CDC42BPB: variants seen among roughly 807,000 people sequenced by gnomAD.
CDC42BPB encodes the protein CDC42 binding protein kinase beta.
A neutral mutation model predicts 214.9 loss-of-function variants in CDC42BPB; 37 were observed. The observed-to-expected ratio is 0.17, with a 90% confidence interval of 0.13 to 0.23. The LOEUF is 0.23. CDC42BPB is among the 10% of genes least tolerant of loss of function. CDC42BPB has a pLI of 1.00. For synonymous variants in CDC42BPB, 931 were observed against 884.0 expected (o/e 1.05, Z -0.94); for missense variants, 1,694 against 2,227.0 (o/e 0.76, Z 4.82).
At chr14:103,056,443 C>T (rs924853384) in intron 1 of CDC42BPB, among the ~76,000 whole-genome samples, 2 of 152,066 alleles carry the variant, frequency 1.3e-5, no homozygotes, top group South Asian at 2.1e-4. Flanking sequence ...GCAAGGGGGT[C>T]CCACGGGGCA....
At chr14:102,942,197 C>CT (rs886626447) in intron 30 of CDC42BPB, among the ~76,000 whole-genome samples, 1 of 151,954 alleles carries the variant, frequency 6.6e-6, no homozygotes, top group African/African-American at 2.4e-5. Flanking sequence ...CTTCCTGCAC[C>CT]TCACCGCAGG....
intron 26 of CDC42BPB, 85 bp from the exon 27 acceptor site, chr14:102,947,887 CCATGT>C: frequency 6.3e-7 from 1 of 1,598,048 alleles, no homozygotes; most frequent in Non-Finnish European, 8.5e-7. Flanking sequence ...CCCTGCCCTG[CCATGT>C]CCTTCCACCA....
chr14:102,945,768 C>T (rs200587017), intron 28 of CDC42BPB, 44 bp from the exon 29 acceptor site: 31 of 1,573,702 alleles, frequency 2.0e-5, no homozygotes, highest in Admixed American at 1.7e-4. Flanking sequence ...TACAGCCGAC[C>T]GTGAACAATA....
intron 1 of CDC42BPB, among the ~76,000 whole-genome samples, chr14:103,019,948 C>T (rs892751535): frequency 8.5e-5 from 13 of 152,178 alleles, no homozygotes; most frequent in Non-Finnish European, 1.9e-4. Flanking sequence ...GGATCTTTGT[C>T]TAAAACTGAC....
At chr14:102,978,655 T>C (rs1413854137) in intron 8 of CDC42BPB, among the ~76,000 whole-genome samples, 1 of 152,150 alleles carries the variant, frequency 6.6e-6, no homozygotes, top group East Asian at 1.9e-4. Context: ...GGTAGATTAT[T>C]TTAGATAAGT....
chr14:102,993,031 T>C (rs1010075668), intron 5 of CDC42BPB, among the ~76,000 whole-genome samples: 2 of 152,022 alleles, frequency 1.3e-5, no homozygotes, highest in African/African-American at 4.8e-5. Context: ...GGTTTTGCCA[T>C]GTTGGCCAGG....
intron 5 of CDC42BPB, 148 bp from the exon 6 acceptor site, chr14:102,986,728 C>A: frequency 7.4e-7 from 1 of 1,348,976 alleles, no homozygotes; most frequent in Non-Finnish European, 9.5e-7. Flanking sequence ...CTCTGTGTGA[C>A]ATTCAGCTGG....
At chr14:103,056,971 A>T (rs1485629053) in intron 1 of CDC42BPB, 28 bp downstream of exon 1, 10 of 1,341,926 alleles carry the variant, frequency 7.5e-6, no homozygotes, top group Non-Finnish European at 9.6e-6. Context: ...GCAGAGCCGC[A>T]GGTCCGGCCC....
intron 5 of CDC42BPB, among the ~76,000 whole-genome samples, chr14:102,994,059 TAG>T (rs1432188427): frequency 1.3e-5 from 2 of 152,060 alleles, no homozygotes; most frequent in Non-Finnish European, 2.9e-5. Flanking sequence ...TGAGACAGGC[TAG>T]GAAGACACAG....
In CDC42BPB at chr14:103,034,818, CA is replaced by C. The variant is rs573894825; in HGVS notation, c.175+22180del. 2.7e-3 allele frequency among the ~76,000 whole-genome samples: 168 copies of C among 62,866 alleles called. 1 individual carries two copies. Among genetic ancestry groups the C allele is most frequent in the Middle Eastern group, 0.01 (1 of 98 alleles). 41.2% of individuals were successfully genotyped at this position (62,866 alleles called of 152,430 possible). ...GGGCGACAGAGTGAGACTCCGTCTC[CA>C]AAAAAAAAAAAAAAAGAAAAGAAAA... On this transcript the variant is annotated intron_variant, in intron 1 of 36. Coordinates refer to ENST00000361246, the MANE Select transcript of CDC42BPB (RefSeq NM_006035.4).
At chr14:103,014,067 G>A (rs918354345) in intron 1 of CDC42BPB, among the ~76,000 whole-genome samples, 2 of 151,888 alleles carry the variant, frequency 1.3e-5, no homozygotes, top group Non-Finnish European at 2.9e-5. Flanking sequence ...TCGCGAGGCT[G>A]AGGCAGGAGA....
intron 5 of CDC42BPB, among the ~76,000 whole-genome samples, chr14:102,997,144 C>T (rs984755460): frequency 2.6e-5 from 4 of 152,138 alleles, no homozygotes; most frequent in African/African-American, 4.8e-5. Context: ...CTGATCACCA[C>T]GGAGGGGGCC....
At chr14:103,038,385 G>T (rs1172841915) in intron 1 of CDC42BPB, among the ~76,000 whole-genome samples, 1 of 150,784 alleles carries the variant, frequency 6.6e-6, no homozygotes, top group African/African-American at 2.4e-5. Context: ...CTCCTTAATA[G>T]CCCCAAAGCG....
At chr14:102,985,902 C>T (rs543471901) in intron 6 of CDC42BPB, among the ~76,000 whole-genome samples, 3 of 152,228 alleles carry the variant, frequency 2.0e-5, no homozygotes, top group East Asian at 3.8e-4. Context: ...GGTCTGACTG[C>T]GGGGTGGAGA....
chr14:102,986,220 T>G (rs565972466), intron 6 of CDC42BPB: 27 of 375,896 alleles, frequency 7.2e-5, no homozygotes, highest in South Asian at 4.6e-4. Context: ...TTTAGCCACC[T>G]TGGGATTGAG....
intron 1 of CDC42BPB, among the ~76,000 whole-genome samples, chr14:103,016,420 C>T (rs1482551807): frequency 2.0e-5 from 3 of 151,986 alleles, no homozygotes; most frequent in Non-Finnish European, 4.4e-5. Context: ...TCAGAGCTCC[C>T]CAGGATTGGC....
intron 1 of CDC42BPB, among the ~76,000 whole-genome samples, chr14:103,021,757 TGAG>T (rs1286316128): frequency 6.7e-6 from 1 of 150,150 alleles, no homozygotes; most frequent in Admixed American, 6.6e-5. Flanking sequence ...TGAGAAAACC[TGAG>T]GAGCGGGGTG....
chr14:102,961,396 G>A (rs1892953211), intron 20 of CDC42BPB, among the ~76,000 whole-genome samples: 1 of 151,424 alleles, frequency 6.6e-6, no homozygotes, highest in Non-Finnish European at 1.5e-5. Flanking sequence ...GTGCAGTGGC[G>A]AGATCTCAGC....
chr14:102,944,482 C>T lies in CDC42BPB; in HGVS notation c.3817G>A (p.Val1273Ile), dbSNP rs745881611. The T allele has an allele frequency of 1.1e-5, 18 of 1,609,406 alleles. No homozygotes were observed. Among genetic ancestry groups the T allele is most frequent in the East Asian group, 2.2e-5 (1 of 44,804 alleles). ...ACCTTCTTACAGTCAGCGGCACGGA[C>T]GATCACTGTGGCAAGGAGGACAAGA... ...YVIEVTRDVI[V>I]RAADCKKVHQ... The change falls in exon 30 of 37, where the codon GTC becomes ATC. Residue 1273 changes from valine to isoleucine, a missense_variant. Transcript: ENST00000361246. The surrounding 1 kb of genome is among the most constrained non-coding windows in gnomAD (Gnocchi z 6.6).
Sources: gnomAD v4.1 joint callset for allele counts (sites outside exome capture counted in the v4.1 genomes callset) on GRCh38, gnomAD v4.1.1 for gene constraint, Gnocchi (gnomAD v3.1) non-coding constraint, MANE v1.5 for transcripts, NCBI Gene and HGNC (gene_info 2026-07-23, HGNC 2026-07-21) for gene names.